Variants in PLEK observed in about 807,000 individuals in gnomAD.
The protein encoded by PLEK is platelet 47 kDa protein.
Under a neutral mutation model 43.9 loss-of-function variants are expected in PLEK, and 25 were observed. The observed-to-expected ratio is 0.57, with a 90% CI of 0.41 to 0.79. The LOEUF (loss-of-function observed/expected upper bound fraction) is 0.79, where lower values mean the gene tolerates loss of function less well. PLEK is among the 30% of genes least tolerant of loss of function. The probability of loss-of-function intolerance (pLI) is 0.00; values close to 1 mark genes in which losing one functional copy is unlikely to be tolerated. For synonymous variants in PLEK, 152 were observed against 144.4 expected (o/e 1.05, Z -0.38); for missense variants, 396 against 413.3 (o/e 0.96, Z 0.36).
chr2:68,391,294 T>C (rs1486277686), intron 6 of PLEK, among the ~76,000 whole-genome samples: 1 of 152,204 alleles, frequency 6.6e-6, no homozygotes, highest in Non-Finnish European at 1.5e-5. Context: ...GTTACCTTCC[T>C]CTTCCATTGG....
intron 8 of PLEK, 41 bp downstream of exon 8, chr2:68,394,217 A>G: frequency 8.7e-7 from 1 of 1,147,714 alleles, no homozygotes; most frequent in East Asian, 2.3e-5. Context: ...GTCTGCTCAG[A>G]CTCCCCTCCC....
In PLEK at chr2:68,372,809, C is replaced by T. The variant is rs564591575; in HGVS notation, c.42+7416C>T. Among the ~76,000 whole-genome samples the T allele has an allele frequency of 1.1e-4, 16 of 152,080 alleles. No individual in the cohort carries two copies. In the Middle Eastern group the frequency reaches 0.01, roughly 97 times the overall value. On this transcript the variant is annotated intron_variant, in intron 1 of 8. Coordinates refer to ENST00000234313, the MANE Select transcript of PLEK (RefSeq NM_002664.3). ...GCTAAGTGGTCTAAAGAAATCGATA[C>T]AGATTCCAGAATGACTCAGTGTTAT...
rs1335623457 is a variant in PLEK at position 68,380,460 on chromosome 2, T to C, written c.175T>C (p.Cys59Arg). The change falls in exon 2 of 9, where the codon TGT (cysteine) becomes CGT (arginine). Residue 59 changes from cysteine to arginine, a missense_variant. Coordinates refer to ENST00000234313, the MANE Select transcript of PLEK (RefSeq NM_002664.3). ...PLKGSTLTSP[C>R]QDFGKRMFVF... The stretch of plus-strand genomic sequence containing the variant: ...GAAAGGGAGCACTCTGACTAGCCCT[T>C]GTCAAGACTTTGGCAAAAGGATGGT... 6.2e-7 allele frequency: 1 copy of C among 1,613,800 alleles called. No homozygotes were observed. The highest frequency in any genetic ancestry group is 8.5e-7 in the Non-Finnish European group (1 of 1,179,810).
At chr2:68,376,276 G>C (rs562204198) in intron 1 of PLEK, among the ~76,000 whole-genome samples, 1 of 152,264 alleles carries the variant, frequency 6.6e-6, no homozygotes, top group Non-Finnish European at 1.5e-5. Flanking sequence ...GCAGGTTTGG[G>C]AGCAGAAAAC....
intron 1 of PLEK, among the ~76,000 whole-genome samples, chr2:68,376,424 A>G (rs1474230578): frequency 6.6e-6 from 1 of 151,976 alleles, no homozygotes; most frequent in African/African-American, 2.4e-5. Context: ...CTTCCTGCGC[A>G]GCCTTGTGCA....
intron 1 of PLEK, among the ~76,000 whole-genome samples, chr2:68,367,705 T>C (rs926187934): frequency 2.0e-5 from 3 of 152,206 alleles, no homozygotes; most frequent in Non-Finnish European, 2.9e-5. Flanking sequence ...CAGTAGATAG[T>C]GGGGCCTCCC....
At position 68,396,090 on chromosome 2, in the gene PLEK, G is replaced by A; in HGVS notation, c.*274G>A. 3.0e-6 allele frequency: 1 copy of A among 332,188 alleles called. No homozygotes were observed. Among genetic ancestry groups the A allele is most frequent in the East Asian group, 4.7e-5 (1 of 21,056 alleles). The allele number at this position is 332,188 out of a possible 1,614,324, so 20.6% of individuals were successfully genotyped here. On this transcript the variant is annotated 3_prime_UTR_variant, in exon 9 of 9. Transcript: ENST00000234313. Reference sequence around the variant, plus strand: ...GCTGCTTGCCCTCTCCAGGCCTCAGGGCCTCTTCTGGAAAATGAAGAAATT... The same window carrying A: ...GCTGCTTGCCCTCTCCAGGCCTCAGAGCCTCTTCTGGAAAATGAAGAAATT...
chr2:68,388,344 C>T (rs927638901), intron 5 of PLEK, 43 bp from the exon 6 acceptor site: 1 of 1,167,182 alleles, frequency 8.6e-7, no homozygotes, highest in Admixed American at 1.7e-5. Context: ...TTGCAATGTG[C>T]CTAAGACTGG....
At chr2:68,384,038 G>A (rs1673685185) in intron 4 of PLEK, among the ~76,000 whole-genome samples, 1 of 152,126 alleles carries the variant, frequency 6.6e-6, no homozygotes, top group Non-Finnish European at 1.5e-5. Context: ...ACAGCCTTGG[G>A]CAAAGGGAAC....
intron 4 of PLEK, among the ~76,000 whole-genome samples, chr2:68,383,211 A>G (rs769259510): frequency 2.6e-5 from 4 of 152,198 alleles, no homozygotes; most frequent in Non-Finnish European, 5.9e-5. Context: ...AGTGGGGATA[A>G]TCACAGTGCA....
chr2:68,393,416 A>T (rs1475013463), intron 7 of PLEK, among the ~76,000 whole-genome samples, 171 bp downstream of exon 7: 1 of 151,896 alleles, frequency 6.6e-6, no homozygotes, highest in African/African-American at 2.4e-5. Context: ...CAATGCAAAG[A>T]TCTGAGATCT....
In PLEK at chr2:68,380,470, T is replaced by C. The variant is rs1053863805; in HGVS notation, c.185T>C (p.Phe62Ser). 1.5e-5 allele frequency: 24 copies of C among 1,613,410 alleles called. No homozygotes were observed. Among genetic ancestry groups the C allele is most frequent in the Non-Finnish European group, 2.0e-5 (24 of 1,179,722 alleles). The change falls in exon 2 of 9, where the codon TTT (phenylalanine) becomes TCT (serine). Residue 62 changes from phenylalanine to serine, a missense_variant. Physicochemically the swap from Phe to Ser is radical, Grantham distance 155 (BLOSUM62 -2). Coordinates refer to ENST00000234313, the MANE Select transcript of PLEK (RefSeq NM_002664.3). ...GSTLTSPCQD[F>S]GKRMFVFKIT... ...ACTCTGACTAGCCCTTGTCAAGACT[T>C]TGGCAAAAGGATGGTAAGTTGACAT...
intron 1 of PLEK, 35 bp from the exon 2 acceptor site, chr2:68,380,293 C>A: frequency 6.4e-7 from 1 of 1,566,376 alleles, no homozygotes; most frequent in Non-Finnish European, 8.7e-7. Context: ...TGCAAAGAGC[C>A]CTGTCCATCT....
At position 68,395,787 on chromosome 2, in the gene PLEK, A is replaced by G. The variant is rs369143043; in HGVS notation, c.1024A>G (p.Ile342Val). 3.1e-6 allele frequency: 5 copies of G among 1,613,706 alleles called. No homozygotes were observed. In the African/African-American group the frequency reaches 4.0e-5, roughly 13 times the overall value. The part of the protein sequence containing the change: ...PKERTEWIRA[I>V]QMASRTGK The stretch of plus-strand genomic sequence containing the variant: ...GGAGCGCACAGAGTGGATCAGAGCC[A>G]TCCAGATGGCCTCCCGAACTGGGAA... Residue 342 changes from isoleucine (I) to valine (V), a missense_variant, in exon 9 of 9, where the codon ATC becomes GTC. Transcript: ENST00000234313.
chr2:68,382,690 C>T (rs1358555465), intron 4 of PLEK, 57 bp downstream of exon 4: 9 of 975,836 alleles, frequency 9.2e-6, no homozygotes, highest in Non-Finnish European at 1.5e-5. Flanking sequence ...TGGAGTCCTC[C>T]TTCGGCCTCG....
At chr2:68,365,753 T>C (rs1440077532) in intron 1 of PLEK, among the ~76,000 whole-genome samples, 1 of 152,210 alleles carries the variant, frequency 6.6e-6, no homozygotes, top group Non-Finnish European at 1.5e-5. Context: ...GGAGGGACTA[T>C]TCATTTTTTA....
chr2:68,374,795 A>G (rs1417015610), intron 1 of PLEK, among the ~76,000 whole-genome samples: 1 of 152,212 alleles, frequency 6.6e-6, no homozygotes, highest in African/African-American at 2.4e-5. Context: ...TTCACTCAAC[A>G]TCTATGAGAT....
chr2:68,373,098 T>G (rs1159356591), intron 1 of PLEK, among the ~76,000 whole-genome samples: 1 of 152,074 alleles, frequency 6.6e-6, no homozygotes, highest in East Asian at 1.9e-4. Context: ...TGGGTGAGCA[T>G]CAAGTGGGTT....
At chr2:68,377,497 T>C (rs1673527958) in intron 1 of PLEK, among the ~76,000 whole-genome samples, 1 of 152,256 alleles carries the variant, frequency 6.6e-6, no homozygotes, top group Non-Finnish European at 1.5e-5. Flanking sequence ...ATTGTAGTTT[T>C]GATTTGCATT....
Sources: allele counts gnomAD v4.1 joint callset (sites outside exome capture counted in the v4.1 genomes callset), GRCh38; gene constraint gnomAD v4.1.1; transcripts MANE v1.5; gene names NCBI Gene and HGNC (gene_info 2026-07-23, HGNC 2026-07-21).